The following SERPINI1 variants were observed in gnomAD, a reference collection of about 807,000 sequenced individuals.
SERPINI1 encodes the protein neuroserpin.
Under a neutral mutation model 41.1 loss-of-function variants are expected in SERPINI1, and 19 were observed. The observed-to-expected ratio is 0.46, with a 90% CI of 0.32 to 0.68. The LOEUF (loss-of-function observed/expected upper bound fraction) is 0.68, where lower values mean the gene tolerates loss of function less well. Ranked by LOEUF, SERPINI1 falls within the 30% of genes least tolerant of loss-of-function variation. The probability of loss-of-function intolerance (pLI) is 0.03; values close to 1 mark genes in which losing one functional copy is unlikely to be tolerated. For missense variants in SERPINI1, 460 were observed against 479.2 expected (o/e 0.96, Z 0.37); for synonymous variants, 138 against 156.6 (o/e 0.88, Z 0.89).
intron 5 of SERPINI1, among the ~76,000 whole-genome samples, chr3:167,797,738 G>A (rs1248448919): frequency 1.3e-5 from 1 of 74,872 alleles, no homozygotes; most frequent in Non-Finnish European, 2.8e-5. Flanking sequence ...TACCTACCAA[G>A]CGTTTTTTTT....
chr3:167,757,093 C>A (rs1488857629), intron 1 of SERPINI1, among the ~76,000 whole-genome samples: 2 of 152,136 alleles, frequency 1.3e-5, no homozygotes, highest in Non-Finnish European at 2.9e-5. Flanking sequence ...GAACAGCAAC[C>A]TTTAAATAAT....
chr3:167,769,822 T>C (rs1176776007), intron 1 of SERPINI1, among the ~76,000 whole-genome samples: 1 of 152,140 alleles, frequency 6.6e-6, no homozygotes, highest in East Asian at 1.9e-4. Context: ...TTGTAATATC[T>C]TTTTTATGAT....
intron 1 of SERPINI1, among the ~76,000 whole-genome samples, chr3:167,766,393 C>T (rs189866630): frequency 2.5e-3 from 388 of 152,178 alleles, no homozygotes; most frequent in Non-Finnish European, 4.7e-3. Context: ...ACCATCAGAT[C>T]CCTTGAGATT....
At chr3:167,760,449 C>T (rs1403579520) in intron 1 of SERPINI1, among the ~76,000 whole-genome samples, 1 of 151,782 alleles carries the variant, frequency 6.6e-6, no homozygotes, top group Non-Finnish European at 1.5e-5. Context: ...TCAGAGAATA[C>T]ATATAACCTC....
intron 1 of SERPINI1, among the ~76,000 whole-genome samples, chr3:167,756,876 C>T (rs937245574): frequency 2.0e-5 from 3 of 152,160 alleles, no homozygotes; most frequent in South Asian, 2.1e-4. Context: ...ATAATGTATT[C>T]TGCGTCTCAG....
intron 1 of SERPINI1, among the ~76,000 whole-genome samples, chr3:167,751,783 C>T (rs142543303): frequency 0.013 from 1,985 of 151,588 alleles, 38 homozygotes; most frequent in Non-Finnish European, 0.012. Context: ...TTTTCATGTA[C>T]GATAATAAAG....
chr3:167,756,006 C>T (rs1490564561), intron 1 of SERPINI1, among the ~76,000 whole-genome samples: 1 of 152,052 alleles, frequency 6.6e-6, no homozygotes, highest in Non-Finnish European at 1.5e-5. Flanking sequence ...TTTGAGTCAG[C>T]ACCACTAGAG....
intron 1 of SERPINI1, among the ~76,000 whole-genome samples, chr3:167,786,507 C>CAAAAAAAA (rs71176662): frequency 4.0e-5 from 3 of 75,194 alleles, no homozygotes; most frequent in African/African-American, 9.9e-5. Flanking sequence ...GACTCCGTCT[C>CAAAAAAAA]AAAAAAAAAA....
chr3:167,749,173 T>G (rs1294653415), intron 1 of SERPINI1, among the ~76,000 whole-genome samples: 1 of 152,222 alleles, frequency 6.6e-6, no homozygotes, highest in African/African-American at 2.4e-5. Context: ...TCAACTTTCA[T>G]TAAAATACTG....
chr3:167,740,148 G>A (rs756083986), intron 1 of SERPINI1, among the ~76,000 whole-genome samples: 2 of 150,356 alleles, frequency 1.3e-5, no homozygotes, highest in African/African-American at 4.9e-5. Flanking sequence ...TCCTCACACC[G>A]CAGACTCCCC....
At chr3:167,822,571 G>A (rs1462797407) in intron 6 of SERPINI1, among the ~76,000 whole-genome samples, 1 of 151,830 alleles carries the variant, frequency 6.6e-6, no homozygotes, top group African/African-American at 2.4e-5. Flanking sequence ...TAAATATTAG[G>A]TTAAAAAAGG....
Position 167,772,891 on chromosome 3 carries a change from TATACACACACACACACACAC to T in SERPINI1, c.-18-16218_-18-16199del, listed in dbSNP as rs1252790657. Among the ~76,000 whole-genome samples the T allele has an allele frequency of 5.4e-5, 4 of 73,690 alleles. 1 individual carries two copies. The highest frequency in any genetic ancestry group is 2.8e-4 in the African/African-American group (4 of 14,536). 48.3% of individuals were successfully genotyped at this position (73,690 alleles called of 152,430 possible). On this transcript the variant is annotated intron_variant, in intron 1 of 8. Transcript: ENST00000446050. ...ATATATATATATATATATATATATA[TATACACACACACACACACAC>T]ACACACACACATGCATATATACATA...
intron 1 of SERPINI1, among the ~76,000 whole-genome samples, chr3:167,776,725 A>C (rs1160360088): frequency 4.6e-5 from 7 of 152,226 alleles, no homozygotes; most frequent in Non-Finnish European, 8.8e-5. Context: ...AATCAAATTA[A>C]AAGTTAAGTT....
intron 6 of SERPINI1, among the ~76,000 whole-genome samples, chr3:167,821,161 G>C (rs1473610239): frequency 6.6e-6 from 1 of 152,122 alleles, no homozygotes; most frequent in African/African-American, 2.4e-5. Flanking sequence ...ATTCTTCCTG[G>C]ATGTGAGACA....
chr3:167,785,137 G>C (rs1275082566), intron 1 of SERPINI1, among the ~76,000 whole-genome samples: 1 of 152,136 alleles, frequency 6.6e-6, no homozygotes, highest in East Asian at 1.9e-4. Flanking sequence ...TCAGCTACTT[G>C]GGAGGCAGAG....
At chr3:167,795,091 G>A (rs1184593010) in intron 5 of SERPINI1, among the ~76,000 whole-genome samples, 3 of 151,774 alleles carry the variant, frequency 2.0e-5, no homozygotes, top group Admixed American at 6.6e-5. Flanking sequence ...GCTATTCATC[G>A]AGACCTAGTT....
At chr3:167,785,180 G>T (rs1727266792) in intron 1 of SERPINI1, among the ~76,000 whole-genome samples, 2 of 152,110 alleles carry the variant, frequency 1.3e-5, no homozygotes, top group African/African-American at 4.8e-5. Context: ...GGAGGTGGAG[G>T]TTGCAGTGAG....
intron 6 of SERPINI1, among the ~76,000 whole-genome samples, chr3:167,813,889 C>T (rs1426753442): frequency 6.6e-6 from 1 of 152,138 alleles, no homozygotes; most frequent in Non-Finnish European, 1.5e-5. Flanking sequence ...CCTGCCCTCC[C>T]CACTGCAGCC....
At position 167,792,670 on chromosome 3, in the gene SERPINI1, G is replaced by A. The variant is rs778458057; in HGVS notation, c.562G>A (p.Gly188Arg). Residue 188 changes from glycine to arginine, a missense_variant, in exon 4 of 9, where the codon GGG (glycine) becomes AGG (arginine). Gly to Arg is a moderately radical substitution (Grantham distance 125). Coordinates refer to ENST00000446050, the MANE Select transcript of SERPINI1 (RefSeq NM_001122752.2). Reference protein sequence around the residue: ...LALINAVYFKGNWKSQFRPEN... With the variant: ...LALINAVYFKRNWKSQFRPEN... ...CCTCATTAATGCTGTCTATTTCAAG[G>A]GGAACTGGAAGTCGCAGTTTAGGCC... The A allele has an allele frequency of 2.1e-5, 34 of 1,613,580 alleles. No individual in the cohort carries two copies. The highest frequency in any genetic ancestry group is 3.4e-6 in the Non-Finnish European group (4 of 1,179,868).
Sources: allele counts gnomAD v4.1 joint callset (sites outside exome capture counted in the v4.1 genomes callset), GRCh38; gene constraint gnomAD v4.1.1; transcripts MANE v1.5; gene names NCBI Gene and HGNC (gene_info 2026-07-23, HGNC 2026-07-21).